Variants in CNN3 observed in about 807,000 individuals in gnomAD.
The protein encoded by CNN3 is calponin-3.
Under a neutral mutation model 39.0 loss-of-function variants are expected in CNN3, and 11 were observed. That is an observed-to-expected ratio of 0.28 (90% CI 0.18 to 0.47). The LOEUF (loss-of-function observed/expected upper bound fraction) is 0.47. Ranked by LOEUF, CNN3 falls within the 20% of genes least tolerant of loss-of-function variation. The pLI, the probability that CNN3 is intolerant of heterozygous loss-of-function variation, is 0.99. For missense variants in CNN3, 266 were observed against 403.4 expected, an observed-to-expected ratio of 0.66 and a Z score of 2.92; for synonymous variants, 101 against 138.3, an observed-to-expected ratio of 0.73 and a Z score of 1.89.
intron 1 of CNN3, among the ~76,000 whole-genome samples, chr1:94,906,955 T>C (rs1294240073): frequency 1.3e-5 from 2 of 152,196 alleles, no homozygotes; most frequent in Non-Finnish European, 2.9e-5. Context: ...TCCTAGTAGA[T>C]CCCAGTAAGA....
intron 1 of CNN3, among the ~76,000 whole-genome samples, chr1:94,925,398 T>C (rs1671549742): frequency 6.6e-6 from 1 of 152,212 alleles, no homozygotes; most frequent in Non-Finnish European, 1.5e-5. Context: ...TTGGTGAGGT[T>C]TGCACTCAAT....
chr1:94,918,480 T>G, intron 1 of CNN3, among the ~76,000 whole-genome samples: 1 of 107,980 alleles, frequency 9.3e-6, no homozygotes, highest in Non-Finnish European at 1.7e-5. Flanking sequence ...GGCGACAAAG[T>G]GAGACTGTCT....
Position 94,902,148 on chromosome 1 carries a change from C to G in CNN3, c.357G>C (p.Gln119His), listed in dbSNP as rs1259554250. 1 of 1,613,646 alleles carries G rather than the reference C, an allele frequency of 6.2e-7. No individual in the cohort carries two copies. The highest frequency in any genetic ancestry group is 2.2e-5 in the East Asian group (1 of 44,888). The change falls in exon 4 of 7, where the codon CAG becomes CAC. Residue 119 changes from glutamine to histidine, a missense_variant. Coordinates refer to ENST00000370206, the MANE Select transcript of CNN3 (RefSeq NM_001839.5). Reference protein sequence around the residue: ...LFENGNMTQVQTTLVALAGLA... With the variant: ...LFENGNMTQVHTTLVALAGLA... ...GACCTGCTAGAGCCACCAGAGTAGT[C>G]TGAACCTGGGTCATGTTTCCATTCT...
At chr1:94,920,954 C>A (rs1303845955) in intron 1 of CNN3, among the ~76,000 whole-genome samples, 1 of 152,126 alleles carries the variant, frequency 6.6e-6, no homozygotes, top group African/African-American at 2.4e-5. Context: ...GTTAAGAGCC[C>A]ATTTGGGCTA....
Position 94,926,274 on chromosome 1 carries a change from C to T in CNN3, c.57+564G>A, listed in dbSNP as rs1571541412. ...GCAGCAATCTGCCTCCAAATGCCTC[C>T]CAGGCACCGAGATCGGAGACTGTGA... On this transcript the variant is annotated intron_variant, in intron 1 of 6. Coordinates refer to ENST00000370206, the MANE Select transcript of CNN3 (RefSeq NM_001839.5). This position sits in a 1 kb window ranked among gnomAD's most constrained non-coding sequence, Gnocchi z 4.2. Among the ~76,000 whole-genome samples, 2 of 152,220 alleles carry T rather than the reference C, an allele frequency of 1.3e-5. No individual in the cohort carries two copies. Among genetic ancestry groups the T allele is most frequent in the Non-Finnish European group, 2.9e-5 (2 of 68,030 alleles).
Position 94,899,451 on chromosome 1 carries a change from C to T in CNN3, c.568G>A (p.Asp190Asn). The change falls in exon 6 of 7, where the codon GAT (aspartate) becomes AAT (asparagine). Residue 190 changes from aspartate to asparagine, a missense_variant. By Grantham distance (23) the Asp-to-Asn change is conservative (BLOSUM62 1). Transcript: ENST00000370206. ...TAYGTRRHLY[D>N]PKMQTDKPFD... is the part of the protein sequence containing the mutation. ...GGTTTGTCAGTTTGCATTTTGGGAT[C>T]ATAAAGATGCCTCCTAGTCCCGTAA... 6.2e-7 allele frequency: 1 copy of T among 1,614,026 alleles called. No homozygotes were observed. Among genetic ancestry groups the T allele is most frequent in the East Asian group, 2.2e-5 (1 of 44,878 alleles).
In CNN3 at chr1:94,911,669, T is replaced by C. The variant is rs188726636; in HGVS notation, c.58-8145A>G. Among the ~76,000 whole-genome samples, 121 of 152,080 alleles carry C rather than the reference T, an allele frequency of 8.0e-4. 1 individual carries two copies. In the Middle Eastern group the frequency reaches 0.031, roughly 38 times the overall value. On this transcript the variant is annotated intron_variant, in intron 1 of 6. Coordinates refer to ENST00000370206, the MANE Select transcript of CNN3 (RefSeq NM_001839.5). Reference sequence around the variant, plus strand: ...CTGTGGTTCCAGCAACTTGGGAGGCTGAGGTGGGAGGATCACTTGAGCCTG... The same window carrying C: ...CTGTGGTTCCAGCAACTTGGGAGGCCGAGGTGGGAGGATCACTTGAGCCTG...
rs1670754207 is a variant in CNN3, at chr1:94,897,466, TG to T, written c.*275del. 1 of 298,534 alleles carries T rather than the reference TG, an allele frequency of 3.3e-6. No homozygotes were observed. Among genetic ancestry groups the T allele is most frequent in the Admixed American group, 4.6e-5 (1 of 21,974 alleles). 18.5% of individuals were successfully genotyped at this position (298,534 alleles called of 1,614,324 possible). ...TGCATAGATTTTTGCATAAAAGAACTGGCTGTACAAGAGTACTCCCCTTTCA... is the reference window on the plus strand; with the variant it reads ...TGCATAGATTTTTGCATAAAAGAACTGCTGTACAAGAGTACTCCCCTTTCA... On this transcript the variant is annotated 3_prime_UTR_variant, in exon 7 of 7. Coordinates refer to ENST00000370206, the MANE Select transcript of CNN3 (RefSeq NM_001839.5).
intron 1 of CNN3, among the ~76,000 whole-genome samples, chr1:94,906,570 C>G (rs12406603): frequency 0.033 from 5,006 of 152,202 alleles, 128 homozygotes; most frequent in South Asian, 0.052. Flanking sequence ...TCTGCCTTGG[C>G]GCCATGCCTG....
intron 6 of CNN3, among the ~76,000 whole-genome samples, chr1:94,898,957 A>AT (rs1183171069): frequency 1.3e-5 from 2 of 152,030 alleles, no homozygotes; most frequent in Non-Finnish European, 1.5e-5. Context: ...ACCATGTTGC[A>AT]TTTCCATCTC....
intron 1 of CNN3, among the ~76,000 whole-genome samples, chr1:94,914,243 A>G (rs1221326064): frequency 6.6e-6 from 1 of 152,166 alleles, no homozygotes; most frequent in East Asian, 1.9e-4. Flanking sequence ...TTATCTTTCC[A>G]TAACGACAAG....
intron 6 of CNN3, 52 bp from the exon 7 acceptor site, chr1:94,898,135 T>C (rs748698251): frequency 6.8e-7 from 1 of 1,476,470 alleles, no homozygotes. Flanking sequence ...AATCTATTCT[T>C]GTGAATAATT....
intron 1 of CNN3, chr1:94,925,632 C>G: frequency 9.1e-6 from 9 of 985,466 alleles, no homozygotes; most frequent in Non-Finnish European, 1.1e-5. Flanking sequence ...CGCTTCATTA[C>G]CTCTTTACAT....
At chr1:94,914,993 C>A (rs1557913773) in intron 1 of CNN3, among the ~76,000 whole-genome samples, 1 of 152,114 alleles carries the variant, frequency 6.6e-6, no homozygotes, top group African/African-American at 2.4e-5. Context: ...AAGCGATCCT[C>A]CCACCTCAGC....
Position 94,926,549 on chromosome 1 carries a change from G to A in CNN3, c.57+289C>T, listed in dbSNP as rs1347846726. Among the ~76,000 whole-genome samples the A allele has an allele frequency of 6.6e-6, 1 of 151,916 alleles. No individual in the cohort carries two copies. Among genetic ancestry groups the A allele is most frequent in the African/African-American group, 2.4e-5 (1 of 41,372 alleles). ...TCACCAAACGGCCCCCGAGACCCCC[G>A]CAGCCGGAAAGGCTGGCGCCGCGGG... is the stretch of plus-strand genomic sequence containing the variant. On this transcript the variant is annotated intron_variant, in intron 1 of 6. Coordinates refer to ENST00000370206, the MANE Select transcript of CNN3 (RefSeq NM_001839.5). The surrounding 1 kb of genome is among the most constrained non-coding windows in gnomAD (Gnocchi z 4.2).
At chr1:94,905,141 G>A (rs1055821061) in intron 1 of CNN3, among the ~76,000 whole-genome samples, 2 of 152,112 alleles carry the variant, frequency 1.3e-5, no homozygotes, top group East Asian at 3.9e-4. Flanking sequence ...CTGATCACCA[G>A]GATCAGGACA....
chr1:94,919,143 T>G (rs1671375537), intron 1 of CNN3, among the ~76,000 whole-genome samples: 1 of 151,986 alleles, frequency 6.6e-6, no homozygotes, highest in Non-Finnish European at 1.5e-5. Flanking sequence ...CAAGGAGAGG[T>G]AGGGATGGGG....
In CNN3 at chr1:94,920,084, T is replaced by C. The variant is rs192711444; in HGVS notation, c.57+6754A>G. On this transcript the variant is annotated intron_variant, in intron 1 of 6. Transcript: ENST00000370206. ...CTGAAACCAAGAAAGGAAAGATATA[T>C]CTTATTTAAAAGGAATCAACCTGTT... Among the ~76,000 whole-genome samples the C allele has an allele frequency of 1.3e-3, 203 of 152,256 alleles. 1 individual carries two copies. Among genetic ancestry groups the C allele is most frequent in the South Asian group, 4.1e-3 (20 of 4,826 alleles).
intron 1 of CNN3, among the ~76,000 whole-genome samples, chr1:94,912,971 T>A (rs1452217766): frequency 6.6e-6 from 1 of 152,212 alleles, no homozygotes; most frequent in Admixed American, 6.5e-5. Context: ...AAACTCGTGG[T>A]GATGTGTACC....
Sources: allele counts gnomAD v4.1 joint callset (sites outside exome capture counted in the v4.1 genomes callset), GRCh38; gene constraint gnomAD v4.1.1; non-coding constraint Gnocchi (gnomAD v3.1); transcripts MANE v1.5; gene names NCBI Gene and HGNC (gene_info 2026-07-23, HGNC 2026-07-21).